Variants in CTNND2 observed in about 807,000 individuals in gnomAD.
CTNND2 encodes catenin delta-2.
A neutral mutation model predicts 144.4 loss-of-function variants in CTNND2; 22 were observed. The ratio of observed to expected loss-of-function variants is 0.15; its 90% CI spans 0.11 to 0.22. The LOEUF (loss-of-function observed/expected upper bound fraction) is 0.22. Among genes scored for constraint, CTNND2 ranks in the 10% least tolerant of loss-of-function variants. The pLI is 1.00. For missense variants in CTNND2, 1,353 were observed against 1,618.8 expected, an observed-to-expected ratio of 0.84 and a Z score of 2.82; for synonymous variants, 751 against 695.6, an observed-to-expected ratio of 1.08 and a Z score of -1.25.
chr5:11,319,720 C>A (rs773795272), intron 9 of CTNND2, among the ~76,000 whole-genome samples: 1 of 152,086 alleles, frequency 6.6e-6, no homozygotes, highest in Non-Finnish European at 1.5e-5. Flanking sequence ...AGGGTTTCAC[C>A]ATGTTGGCCA....
chr5:11,551,323 C>G (rs1444084881), intron 3 of CTNND2, among the ~76,000 whole-genome samples: 2 of 151,120 alleles, frequency 1.3e-5, no homozygotes, highest in Non-Finnish European at 2.9e-5. Context: ...GCATCCCTGA[C>G]AAAGAAATAT....
intron 1 of CTNND2, among the ~76,000 whole-genome samples, chr5:11,739,943 C>T (rs1787901852): frequency 6.6e-6 from 1 of 152,090 alleles, no homozygotes; most frequent in Non-Finnish European, 1.5e-5. Context: ...TTCACAATTG[C>T]TTCAAAGAGA....
intron 3 of CTNND2, among the ~76,000 whole-genome samples, chr5:11,475,110 T>G (rs1348984566): frequency 6.6e-6 from 1 of 152,246 alleles, no homozygotes; most frequent in Non-Finnish European, 1.5e-5. Flanking sequence ...CGCCATTCTC[T>G]TCATACTGCA....
chr5:11,248,446 ATGTG>A (rs1021722540), intron 9 of CTNND2, among the ~76,000 whole-genome samples: 2 of 152,238 alleles, frequency 1.3e-5, no homozygotes, highest in South Asian at 4.1e-4. Flanking sequence ...TACATATAGT[ATGTG>A]TGTGTTTGTA....
intron 1 of CTNND2, among the ~76,000 whole-genome samples, chr5:11,768,545 C>T (rs1003726391): frequency 1.3e-5 from 2 of 152,194 alleles, no homozygotes; most frequent in African/African-American, 4.8e-5. Context: ...CCCACCTTGG[C>T]CTCCCAAAGT....
chr5:11,903,121 ACC>A lies in CTNND2; in HGVS notation c.37+694_37+695del. 1.1e-6 allele frequency: 1 copy of A among 877,384 alleles called. No homozygotes were observed. The highest frequency in any genetic ancestry group is 1.4e-6 in the Non-Finnish European group (1 of 731,304). 54.3% of individuals were successfully genotyped at this position (877,384 alleles called of 1,614,324 possible). Reference sequence around the variant, plus strand: ...CGCTTTCAGCCATTAATTACGGATCACCCCAATTTTGCATCGCTCATCTCCCA... The same window carrying A: ...CGCTTTCAGCCATTAATTACGGATCACCAATTTTGCATCGCTCATCTCCCA... On this transcript the variant is annotated intron_variant, in intron 1 of 21. Coordinates refer to ENST00000304623, the MANE Select transcript of CTNND2 (RefSeq NM_001332.4). The surrounding 1 kb of genome is among the most constrained non-coding windows in gnomAD (Gnocchi z 5.4).
chr5:11,662,907 C>A (rs999711185), intron 2 of CTNND2, among the ~76,000 whole-genome samples: 1 of 152,068 alleles, frequency 6.6e-6, no homozygotes, highest in African/African-American at 2.4e-5. Context: ...ATGAAAGCTG[C>A]CAGTAAACAA....
At chr5:11,174,448 T>C (rs1470157306) in intron 11 of CTNND2, among the ~76,000 whole-genome samples, 2 of 152,220 alleles carry the variant, frequency 1.3e-5, no homozygotes, top group African/African-American at 4.8e-5. Context: ...GCACAAACTG[T>C]TAATCTTGGG....
intron 2 of CTNND2, among the ~76,000 whole-genome samples, chr5:11,660,054 T>C (rs777233624): frequency 2.4e-4 from 37 of 152,158 alleles, no homozygotes; most frequent in Non-Finnish European, 4.9e-4. Context: ...AGAGTCTTTA[T>C]TAGATTAGCA....
At chr5:11,346,772 G>A (rs1156302173) in intron 8 of CTNND2, 145 bp from the exon 9 acceptor site, 2 of 750,600 alleles carry the variant, frequency 2.7e-6, no homozygotes, top group Non-Finnish European at 3.9e-6. Flanking sequence ...CATCATATTT[G>A]AACCAATACA....
At chr5:11,460,480 T>C (rs1460299086) in intron 3 of CTNND2, among the ~76,000 whole-genome samples, 1 of 152,192 alleles carries the variant, frequency 6.6e-6, no homozygotes, top group Non-Finnish European at 1.5e-5. Context: ...TGTTTAGATA[T>C]GAGAACCAAA....
At chr5:11,348,190 T>C (rs1269079742) in intron 8 of CTNND2, among the ~76,000 whole-genome samples, 2 of 152,240 alleles carry the variant, frequency 1.3e-5, no homozygotes, top group East Asian at 1.9e-4. Context: ...AAACATTAAC[T>C]GCACAATCAG....
intron 20 of CTNND2, among the ~76,000 whole-genome samples, chr5:10,982,971 T>G (rs1157639482): frequency 6.6e-6 from 1 of 152,128 alleles, no homozygotes; most frequent in Non-Finnish European, 1.5e-5. Context: ...TCTATGAAGA[T>G]GGACAGTAGA....
chr5:11,483,515 C>T (rs1485162740), intron 3 of CTNND2, among the ~76,000 whole-genome samples: 1 of 152,244 alleles, frequency 6.6e-6, no homozygotes, highest in African/African-American at 2.4e-5. Context: ...ACCTGTTTCA[C>T]ATTGTTGCCC....
At chr5:11,481,380 T>G (rs1246405333) in intron 3 of CTNND2, among the ~76,000 whole-genome samples, 1 of 152,156 alleles carries the variant, frequency 6.6e-6, no homozygotes, top group Non-Finnish European at 1.5e-5. Context: ...TCAGCCAGCA[T>G]TTTAAAAATA....
At chr5:11,879,929 G>C (rs1403607729) in intron 1 of CTNND2, among the ~76,000 whole-genome samples, 1 of 152,054 alleles carries the variant, frequency 6.6e-6, no homozygotes, top group Non-Finnish European at 1.5e-5. Flanking sequence ...AGGGACATAC[G>C]ACTCAATTTT....
chr5:11,543,318 C>A (rs1774926002), intron 3 of CTNND2, among the ~76,000 whole-genome samples: 1 of 152,126 alleles, frequency 6.6e-6, no homozygotes, highest in South Asian at 2.1e-4. Context: ...TCCACAGATA[C>A]AGACATTCCT....
At chr5:11,080,958 T>C (rs1301343408) in intron 16 of CTNND2, among the ~76,000 whole-genome samples, 2 of 152,028 alleles carry the variant, frequency 1.3e-5, no homozygotes, top group African/African-American at 4.8e-5. Context: ...GTGTCTGTAG[T>C]CCCAGCTACT....
Position 11,312,161 on chromosome 5 carries a change from C to G in CTNND2, c.1628+34211G>C, listed in dbSNP as rs556725187. Among the ~76,000 whole-genome samples, 60 of 147,630 alleles carry G rather than the reference C, an allele frequency of 4.1e-4. 1 individual carries two copies. Among genetic ancestry groups the G allele is most frequent in the African/African-American group, 1.4e-3 (57 of 39,978 alleles). ...TCTCCCCCACCACACACACACTCCC[C>G]ATACACCGTCATCCCCCACACTCCC... is the stretch of plus-strand genomic sequence containing the variant. On this transcript the variant is annotated intron_variant, in intron 9 of 21. Coordinates refer to ENST00000304623, the MANE Select transcript of CTNND2 (RefSeq NM_001332.4).
Sources: gnomAD v4.1 joint callset for allele counts (sites outside exome capture counted in the v4.1 genomes callset) on GRCh38, gnomAD v4.1.1 for gene constraint, Gnocchi (gnomAD v3.1) non-coding constraint, MANE v1.5 for transcripts, NCBI Gene and HGNC (gene_info 2026-07-23, HGNC 2026-07-21) for gene names.